The following CADPS variants were observed in gnomAD, a reference collection of about 807,000 sequenced individuals.
CADPS encodes calcium dependent secretion activator, also known as calcium-dependent secretion activator 1.
In CADPS, 57 loss-of-function variants were observed where a neutral mutation model predicts 167.3. The ratio of observed to expected loss-of-function variants is 0.34; its 90% CI spans 0.28 to 0.42. The LOEUF is 0.42. Ranked by LOEUF, CADPS falls within the 20% of genes least tolerant of loss-of-function variation. CADPS has a pLI of 1.00. For missense variants in CADPS, 1,414 were observed against 1,738.1 expected (o/e 0.81, Z 3.32); for synonymous variants, 676 against 635.3 (o/e 1.06, Z -0.96).
In CADPS at chr3:62,639,031, C is replaced by A. The variant is rs1204307862; in HGVS notation, c.1325+6691G>T. Reference sequence around the variant, plus strand: ...TCCTACTGTCTGTTGTCCTAGCAGTCTGCCCACCTTCACCCTCCAGCTCAC... The same window carrying A: ...TCCTACTGTCTGTTGTCCTAGCAGTATGCCCACCTTCACCCTCCAGCTCAC... On this transcript the variant is annotated intron_variant, in intron 6 of 29. Coordinates refer to ENST00000383710, the MANE Select transcript of CADPS (RefSeq NM_003716.4). 5.2e-5 allele frequency among the ~76,000 whole-genome samples: 7 copies of A among 135,046 alleles called. No individual in the cohort carries two copies. In the South Asian group the frequency reaches 6.9e-4, roughly 13 times the overall value. The allele number at this position is 135,046 out of a possible 152,430, so 88.6% of individuals were successfully genotyped here. A position where few individuals can be genotyped will look rare whatever the true frequency, so the allele number is the denominator to read the frequency against.
chr3:62,521,795 C>T (rs1051617504), intron 13 of CADPS, among the ~76,000 whole-genome samples: 5 of 152,176 alleles, frequency 3.3e-5, no homozygotes, highest in Non-Finnish European at 7.3e-5. Context: ...CACATTCTGG[C>T]CACTCTCGTG....
rs538121498 is a variant in CADPS at position 62,548,515 on chromosome 3, AAAG to A, written c.1966+1385_1966+1387del. ...TCTGATAGACAGAATTTGTGATCCA[AAAG>A]AAGTTGTATTTCCTGATCAACAAGG... On this transcript the variant is annotated intron_variant, in intron 11 of 29. Transcript: ENST00000383710. 2.1e-4 allele frequency among the ~76,000 whole-genome samples: 32 copies of A among 152,340 alleles called. No individual in the cohort carries two copies. In the East Asian group the frequency reaches 6.0e-3, roughly 28 times the overall value.
At chr3:62,495,619 T>A (rs1426783772) in intron 18 of CADPS, among the ~76,000 whole-genome samples, 1 of 152,210 alleles carries the variant, frequency 6.6e-6, no homozygotes, top group Non-Finnish European at 1.5e-5. Context: ...ACAGTCTACA[T>A]CAAACACACT....
intron 11 of CADPS, among the ~76,000 whole-genome samples, chr3:62,547,258 T>A (rs1577542579): frequency 1.3e-5 from 2 of 152,304 alleles, no homozygotes; most frequent in Non-Finnish European, 2.9e-5. Flanking sequence ...CTGCCATTTA[T>A]TACATGGCCA....
intron 9 of CADPS, among the ~76,000 whole-genome samples, chr3:62,559,488 C>T (rs564548957): frequency 3.3e-5 from 5 of 151,826 alleles, no homozygotes; most frequent in Admixed American, 2.6e-4. Flanking sequence ...CTGGAACGGT[C>T]CCATGGGGAA....
intron 3 of CADPS, among the ~76,000 whole-genome samples, chr3:62,673,439 A>G (rs1016763521): frequency 3.3e-5 from 5 of 152,224 alleles, no homozygotes; most frequent in Admixed American, 2.0e-4. Flanking sequence ...TGGGAATAAT[A>G]GAGGTGTGAA....
chr3:62,809,723 T>C (rs2094304557), intron 1 of CADPS, among the ~76,000 whole-genome samples: 2 of 152,200 alleles, frequency 1.3e-5, no homozygotes, highest in Admixed American at 1.3e-4. Context: ...GGGATGAGGT[T>C]TGTCTTGCCT....
intron 3 of CADPS, among the ~76,000 whole-genome samples, chr3:62,747,347 C>T (rs1350610594): frequency 6.6e-6 from 1 of 152,180 alleles, no homozygotes; most frequent in African/African-American, 2.4e-5. Context: ...GTTCAGTCAA[C>T]AGACCTACCG....
At chr3:62,747,262 C>T (rs1405217151) in intron 3 of CADPS, among the ~76,000 whole-genome samples, 1 of 152,262 alleles carries the variant, frequency 6.6e-6, no homozygotes, top group South Asian at 2.1e-4. Flanking sequence ...AAAGATCACT[C>T]ATGCGAAGAA....
At chr3:62,496,108 A>G (rs2064738951) in intron 18 of CADPS, among the ~76,000 whole-genome samples, 1 of 151,118 alleles carries the variant, frequency 6.6e-6, no homozygotes. Flanking sequence ...GCACCCAGAG[A>G]ACATGGTAGT....
In CADPS at chr3:62,567,564, C is replaced by CTTTTT. The variant is rs10561022; in HGVS notation, c.1644+3303_1644+3307dup. ...GAGAACCATCCATGACTAAGCACTG[C>CTTTTT]TTTTTTTTTTTTTTTTTTTTTTTTT... On this transcript the variant is annotated intron_variant, in intron 9 of 29. Transcript: ENST00000383710. Among the ~76,000 whole-genome samples the CTTTTT allele has an allele frequency of 3.2e-4, 11 of 33,850 alleles. 1 individual carries two copies. The highest frequency in any genetic ancestry group is 8.7e-4 in the African/African-American group (8 of 9,178). The allele number at this position is 33,850 out of a possible 152,430, so 22.2% of individuals were successfully genotyped here.
intron 14 of CADPS, 104 bp downstream of exon 14, chr3:62,518,045 C>T: frequency 1.3e-6 from 1 of 763,712 alleles, no homozygotes; most frequent in Admixed American, 2.1e-5. Flanking sequence ...TCTAAATATC[C>T]AATGTATCCT....
intron 1 of CADPS, among the ~76,000 whole-genome samples, chr3:62,774,905 T>G (rs1283813791): frequency 6.6e-6 from 1 of 152,240 alleles, no homozygotes; most frequent in African/African-American, 2.4e-5. Context: ...TGGTATTTTC[T>G]TGAAAGTTAG....
intron 7 of CADPS, 29 bp downstream of exon 7, chr3:62,592,608 G>C (rs746656046): frequency 3.2e-6 from 5 of 1,541,668 alleles, no homozygotes; most frequent in Non-Finnish European, 4.5e-6. Flanking sequence ...CCTCTCTGTG[G>C]AGTTCCCCTT....
At chr3:62,570,816 T>C (rs1237469072) in intron 9 of CADPS, 56 bp downstream of exon 9, 1 of 1,170,720 alleles carries the variant, frequency 8.5e-7, no homozygotes, top group Admixed American at 1.7e-5. Context: ...AAAGCATTCA[T>C]TCATTCTAGC....
At chr3:62,769,239 T>TA (rs1229307328) in intron 1 of CADPS, among the ~76,000 whole-genome samples, 20 of 151,522 alleles carry the variant, frequency 1.3e-4, no homozygotes, top group Admixed American at 2.6e-4. Flanking sequence ...TTTTTTTTTT[T>TA]AAAACAAACA....
intron 13 of CADPS, among the ~76,000 whole-genome samples, chr3:62,519,746 A>C (rs1355251371): frequency 6.6e-6 from 1 of 152,050 alleles, no homozygotes; most frequent in Non-Finnish European, 1.5e-5. Flanking sequence ...CAGCCTCTTG[A>C]GTAGCTGGGA....
intron 22 of CADPS, among the ~76,000 whole-genome samples, chr3:62,480,971 G>A (rs1432582915): frequency 6.6e-6 from 1 of 152,238 alleles, no homozygotes; most frequent in African/African-American, 2.4e-5. Context: ...TCAAGAAGTG[G>A]CCCATGCAAC....
intron 1 of CADPS, 86 bp from the exon 2 acceptor site, chr3:62,766,070 T>C (rs1289169660): frequency 4.4e-6 from 4 of 899,858 alleles, no homozygotes; most frequent in Admixed American, 2.0e-5. Flanking sequence ...GCCAGACCCA[T>C]TGGTGTATTG....
Sources: allele counts gnomAD v4.1 joint callset (sites outside exome capture counted in the v4.1 genomes callset), GRCh38; gene constraint gnomAD v4.1.1; transcripts MANE v1.5; gene names NCBI Gene and HGNC (gene_info 2026-07-23, HGNC 2026-07-21).